The following LMO7 variants were observed in gnomAD, a reference collection of about 807,000 sequenced individuals.
LMO7 encodes LIM domain 7, also known as LIM domain only protein 7.
LMO7 carries 120 observed loss-of-function variants against 206.5 expected under a neutral mutation model. That is an observed-to-expected ratio of 0.58 (90% CI 0.50 to 0.68). LMO7 has a LOEUF of 0.68. Among genes scored for constraint, LMO7 ranks in the 30% least tolerant of loss-of-function variants. The probability of loss-of-function intolerance (pLI) is 0.00; values close to 1 mark genes in which losing one functional copy is unlikely to be tolerated. For synonymous variants in LMO7, 706 were observed against 681.5 expected (o/e 1.04, Z -0.56); for missense variants, 1,959 against 1,957.9 (o/e 1.00, Z -0.01).
chr13:75,696,863 G>GA (rs1353207613), intron 1 of LMO7, among the ~76,000 whole-genome samples: 1 of 152,150 alleles, frequency 6.6e-6, no homozygotes, highest in African/African-American at 2.4e-5. Context: ...GAGGTGTGGG[G>GA]ACTGCCACTC....
At chr13:75,786,377 C>CTT (rs113210539) in intron 4 of LMO7, among the ~76,000 whole-genome samples, 1,505 of 140,074 alleles carry the variant, frequency 0.011, 33 homozygotes, top group African/African-American at 0.035. Flanking sequence ...TTATTTTCTT[C>CTT]TTTTTTTTTT....
intron 7 of LMO7, among the ~76,000 whole-genome samples, chr13:75,803,794 A>G (rs1340894590): frequency 3.3e-5 from 5 of 151,190 alleles, no homozygotes; most frequent in African/African-American, 1.2e-4. Context: ...TATAGAATCT[A>G]TCCAGACCCT....
At chr13:75,662,838 G>C (rs1387990657) in intron 1 of LMO7, among the ~76,000 whole-genome samples, 1 of 152,184 alleles carries the variant, frequency 6.6e-6, no homozygotes, top group African/African-American at 2.4e-5. Context: ...GAGCAAAAAT[G>C]TTAATGTAAC....
rs113975680 is a variant in LMO7, at chr13:75,681,010, GT to G, written c.70-32162del. On this transcript the variant is annotated intron_variant, in intron 1 of 30. Coordinates refer to ENST00000377534, the MANE Select transcript of LMO7 (RefSeq NM_001306080.2). ...TGTCCTTTGCCCACTTTTTAATGAGGTTTTTTTTTTGTTGTAAATTTGTTTA... is the reference window on the plus strand; with the variant it reads ...TGTCCTTTGCCCACTTTTTAATGAGGTTTTTTTTTGTTGTAAATTTGTTTA... Among the ~76,000 whole-genome samples the G allele has an allele frequency of 4.0e-3, 593 of 147,952 alleles. 5 individuals are homozygous for G. The highest frequency in any genetic ancestry group is 0.015 in the East Asian group (77 of 5,068).
intron 1 of LMO7, among the ~76,000 whole-genome samples, chr13:75,639,393 C>T (rs549954092): frequency 7.2e-5 from 11 of 152,158 alleles, no homozygotes; most frequent in African/African-American, 1.7e-4. Flanking sequence ...CCTTTAAGAT[C>T]GCTCAACATA....
At chr13:75,805,842 A>G in intron 9 of LMO7, 82 bp downstream of exon 9, 3 of 1,374,826 alleles carry the variant, frequency 2.2e-6, no homozygotes, top group Non-Finnish European at 3.0e-6. Flanking sequence ...TTTTTATAAT[A>G]ATAAGAGAGA....
chr13:75,821,586 T>G lies in LMO7; in HGVS notation c.2617T>G (p.Ser873Ala), dbSNP rs777219599. 2 of 1,613,004 alleles carry G rather than the reference T, an allele frequency of 1.2e-6. No individual in the cohort carries two copies. The highest frequency in any genetic ancestry group is 2.2e-5 in the South Asian group (2 of 90,982). ...CTTTGGCTCTCAGACAAGGGGAATC[T>G]CATCACTCCCCAGATCTTACACGGT... ...RPFGSQTRGI[S>A]SLPRSYTMDD... The change falls in exon 14 of 31, where the codon TCA becomes GCA. Residue 873 changes from serine (S) to alanine (A), a missense_variant. Ser to Ala is a moderately conservative substitution (Grantham distance 99, BLOSUM62 1). Transcript: ENST00000377534.
chr13:75,807,219 G>A (rs530798805), intron 9 of LMO7: 10 of 406,792 alleles, frequency 2.5e-5, no homozygotes, highest in Admixed American at 7.4e-5. Context: ...AGCCCCATCC[G>A]TGGCCTCCAT....
At chr13:75,640,752 A>G (rs2036455539) in intron 1 of LMO7, among the ~76,000 whole-genome samples, 1 of 152,256 alleles carries the variant, frequency 6.6e-6, no homozygotes, top group Non-Finnish European at 1.5e-5. Flanking sequence ...TAGGATTTTA[A>G]GGACCAGAAC....
intron 11 of LMO7, 47 bp downstream of exon 11, chr13:75,809,230 C>G (rs2055970117): frequency 1.3e-6 from 2 of 1,490,434 alleles, no homozygotes. Context: ...GTTGTTTGTT[C>G]TTTGTATAAC....
intron 28 of LMO7, 127 bp downstream of exon 28, chr13:75,853,515 G>T (rs574224400): frequency 2.8e-5 from 23 of 824,792 alleles, no homozygotes; most frequent in Non-Finnish European, 3.7e-5. Context: ...TGTCAAATTT[G>T]GTATTCTAGT....
intron 2 of LMO7, among the ~76,000 whole-genome samples, chr13:75,714,742 C>T (rs1177910155): frequency 1.3e-5 from 2 of 152,104 alleles, no homozygotes; most frequent in Non-Finnish European, 2.9e-5. Flanking sequence ...CAACTGGTCA[C>T]TAATGGGAAG....
In LMO7 at chr13:75,636,415, G is replaced by T; in HGVS notation, c.-243G>T. 1 of 1,341,842 alleles carries T rather than the reference G, an allele frequency of 7.5e-7. No homozygotes were observed. The highest frequency in any genetic ancestry group is 9.5e-7 in the Non-Finnish European group (1 of 1,048,478). The allele number at this position is 1,341,842 out of a possible 1,614,324, so 83.1% of individuals were successfully genotyped here. On this transcript the variant is annotated 5_prime_UTR_variant, in exon 1 of 31. Transcript: ENST00000377534. The stretch of plus-strand genomic sequence containing the variant: ...CCTGCCTGACTGCCCGGGTCCCCGC[G>T]GGCCTTGGGTCGCTTTCAGGAGTTT...
chr13:75,805,448 A>T, intron 8 of LMO7, 31 bp from the exon 9 acceptor site: 1 of 1,599,214 alleles, frequency 6.3e-7, no homozygotes, highest in Non-Finnish European at 8.5e-7. Context: ...ATGCTCATAC[A>T]GTGTCTTAAC....
In LMO7 at chr13:75,859,525, T is replaced by G. The variant is rs2061157405; in HGVS notation, c.*1582T>G. The stretch of plus-strand genomic sequence containing the variant: ...TAGTTGATAATTCCATTACTGTGTA[T>G]TTTTCACTTGTTTCTAAGATCAAAC... On this transcript the variant is annotated 3_prime_UTR_variant, in exon 31 of 31. Coordinates refer to ENST00000377534, the MANE Select transcript of LMO7 (RefSeq NM_001306080.2). 1 of 152,222 alleles carries G rather than the reference T, an allele frequency of 6.6e-6. No homozygotes were observed. Among genetic ancestry groups the G allele is most frequent in the Admixed American group, 6.5e-5 (1 of 15,284 alleles). 9.4% of individuals were successfully genotyped at this position (152,222 alleles called of 1,614,324 possible).
At chr13:75,743,848 G>A (rs1477735142) in intron 3 of LMO7, among the ~76,000 whole-genome samples, 2 of 151,832 alleles carry the variant, frequency 1.3e-5, no homozygotes, top group African/African-American at 4.8e-5. Flanking sequence ...GTTAAAAAAA[G>A]AACAAAAACC....
chr13:75,757,790 C>CTGTGTGTGTGTG (rs57536883), intron 3 of LMO7, among the ~76,000 whole-genome samples: 2 of 143,444 alleles, frequency 1.4e-5, no homozygotes, highest in Non-Finnish European at 3.1e-5. Context: ...CTCATTGTTT[C>CTGTGTGTGTGTG]TGTGTGTGTG....
At chr13:75,817,415 T>G (rs2057130519) in intron 12 of LMO7, 137 bp downstream of exon 12, 1 of 536,074 alleles carries the variant, frequency 1.9e-6, no homozygotes, top group Non-Finnish European at 3.3e-6. Flanking sequence ...CCAACTTTCT[T>G]TACAAAGATT....
At chr13:75,764,700 T>C (rs1242060789) in intron 4 of LMO7, among the ~76,000 whole-genome samples, 1 of 152,146 alleles carries the variant, frequency 6.6e-6, no homozygotes, top group African/African-American at 2.4e-5. Flanking sequence ...GCTGAGAAAT[T>C]GAACAGATTG....
Sources: allele counts gnomAD v4.1 joint callset (sites outside exome capture counted in the v4.1 genomes callset), GRCh38; gene constraint gnomAD v4.1.1; transcripts MANE v1.5; gene names NCBI Gene and HGNC (gene_info 2026-07-23, HGNC 2026-07-21).